ABLIM2: variants seen among roughly 807,000 people sequenced by gnomAD.
ABLIM2 encodes actin-binding LIM protein 2.
Under a neutral mutation model 97.7 loss-of-function variants are expected in ABLIM2, and 53 were observed. The ratio of observed to expected loss-of-function variants is 0.54; its 90% CI spans 0.44 to 0.68. The LOEUF is 0.68. ABLIM2 is among the 30% of genes least tolerant of loss of function. The pLI is 0.00. For synonymous variants in ABLIM2, 361 were observed against 345.8 expected (o/e 1.04, Z -0.49); for missense variants, 835 against 867.2 (o/e 0.96, Z 0.47).
intron 2 of ABLIM2, among the ~76,000 whole-genome samples, chr4:8,103,829 G>A (rs1217720328): frequency 6.6e-6 from 1 of 152,232 alleles, no homozygotes; most frequent in Non-Finnish European, 1.5e-5. Flanking sequence ...ACTCGGGTCT[G>A]ATGCATTTTG....
rs1387996137 is a variant in ABLIM2, at chr4:8,043,088, G to T, written c.900+2076C>A. Among the ~76,000 whole-genome samples the T allele has an allele frequency of 2.0e-5, 3 of 152,056 alleles. No individual in the cohort carries two copies. Among genetic ancestry groups the T allele is most frequent in the African/African-American group, 4.8e-5 (2 of 41,386 alleles). ...ATCGCCTGAGCCCGGGGAGGTTGAG[G>T]CTGCCATGAGCCATGATCTCACCAC... On this transcript the variant is annotated intron_variant, in intron 9 of 20. Coordinates refer to ENST00000447017, the MANE Select transcript of ABLIM2 (RefSeq NM_001130083.2). The surrounding 1 kb of genome is among the most constrained non-coding windows in gnomAD (Gnocchi z 4.8).
intron 3 of ABLIM2, among the ~76,000 whole-genome samples, chr4:8,091,600 A>T (rs866711534): frequency 0.28 from 12,196 of 42,942 alleles, 3,329 homozygotes; most frequent in African/African-American, 0.58. Context: ...ATATATAATT[A>T]TATATATTAT....
chr4:8,128,537 G>T lies in ABLIM2; in HGVS notation c.11-21900C>A, dbSNP rs1444778601. ...CAACCAGGGGACCTGCTGGTTACCA[G>T]ATGTACTCCCAGGCTCTAAAACACG... On this transcript the variant is annotated intron_variant, in intron 1 of 20. Transcript: ENST00000447017. This position sits in a 1 kb window ranked among gnomAD's most constrained non-coding sequence, Gnocchi z 4.9. Among the ~76,000 whole-genome samples the T allele has an allele frequency of 3.3e-5, 5 of 152,210 alleles. No homozygotes were observed. The highest frequency in any genetic ancestry group is 4.1e-4 in the South Asian group (2 of 4,824).
At position 8,020,183 on chromosome 4, in the gene ABLIM2, A is replaced by G; in HGVS notation, c.1369+19T>C. 1 of 1,607,376 alleles carries G rather than the reference A, an allele frequency of 6.2e-7. No individual in the cohort carries two copies. On this transcript the variant is annotated intron_variant, in intron 13 of 20. Coordinates refer to ENST00000447017, the MANE Select transcript of ABLIM2 (RefSeq NM_001130083.2). ...CAGTTTCAGTGTAAGGAGCCCAGCCAGCGTGTCCCGGAGCCTACCTGGGAC... is the reference window on the plus strand; with the variant it reads ...CAGTTTCAGTGTAAGGAGCCCAGCCGGCGTGTCCCGGAGCCTACCTGGGAC...
At position 7,999,212 on chromosome 4, in the gene ABLIM2, A is replaced by G. The variant is rs987364441; in HGVS notation, c.1619-6285T>C. 1.3e-5 allele frequency among the ~76,000 whole-genome samples: 2 copies of G among 152,164 alleles called. No individual in the cohort carries two copies. The highest frequency in any genetic ancestry group is 2.9e-5 in the Non-Finnish European group (2 of 68,032). On this transcript the variant is annotated intron_variant, in intron 16 of 20. Coordinates refer to ENST00000447017, the MANE Select transcript of ABLIM2 (RefSeq NM_001130083.2). The surrounding 1 kb of genome is among the most constrained non-coding windows in gnomAD (Gnocchi z 4.4). Reference sequence around the variant, plus strand: ...GTAGCTGGGATTACAGGCATGTACCACTGCGCCCAGCTAATTTTGTATTTT... The same window carrying G: ...GTAGCTGGGATTACAGGCATGTACCGCTGCGCCCAGCTAATTTTGTATTTT...
In ABLIM2 at chr4:8,075,125, G is replaced by A. The variant is rs1577224366; in HGVS notation, c.675+2503C>T. On this transcript the variant is annotated intron_variant, in intron 6 of 20. Transcript: ENST00000447017. The surrounding 1 kb of genome is among the most constrained non-coding windows in gnomAD (Gnocchi z 4.4). The stretch of plus-strand genomic sequence containing the variant: ...AGAGTCATGATGAAATATGATGCGA[G>A]AGTAAAGCTTATGTCCGAACGAACC... Among the ~76,000 whole-genome samples, 2 of 152,192 alleles carry A rather than the reference G, an allele frequency of 1.3e-5. No individual in the cohort carries two copies. Among genetic ancestry groups the A allele is most frequent in the South Asian group, 4.1e-4 (2 of 4,828 alleles).
chr4:7,980,244 C>G (rs1736924056), intron 20 of ABLIM2, among the ~76,000 whole-genome samples: 1 of 152,154 alleles, frequency 6.6e-6, no homozygotes, highest in Admixed American at 6.5e-5. Flanking sequence ...CTACCCTCCT[C>G]CCTTCGGAAT....
At chr4:8,034,101 C>T (rs183093597) in intron 10 of ABLIM2, among the ~76,000 whole-genome samples, 58 of 152,320 alleles carry the variant, frequency 3.8e-4, no homozygotes, top group African/African-American at 1.3e-3. Context: ...ATCCTGTGGT[C>T]TTTGCGGGGA....
intron 1 of ABLIM2, among the ~76,000 whole-genome samples, chr4:8,141,683 T>A (rs1417462349): frequency 6.6e-6 from 1 of 152,222 alleles, no homozygotes; most frequent in Admixed American, 6.5e-5. Flanking sequence ...GTTCTGCTCC[T>A]AGTATCAGCC....
At position 8,088,355 on chromosome 4, in the gene ABLIM2, G is replaced by A. The variant is rs1825207761; in HGVS notation, c.339-71C>T. The A allele has an allele frequency of 5.5e-6, 7 of 1,263,456 alleles. No homozygotes were observed. In the Admixed American group the frequency reaches 1.4e-4, roughly 25 times the overall value. 78.3% of individuals were successfully genotyped at this position (1,263,456 alleles called of 1,614,324 possible). A position where few individuals can be genotyped will look rare whatever the true frequency, so the allele number is the denominator to read the frequency against. On this transcript the variant is annotated intron_variant, in intron 3 of 20. Transcript: ENST00000447017. ...CTCTCTGGGGGAGCCCTGTCCCAGT[G>A]CAGGAGACCAGGGCCAATGTCTCCC... is the stretch of plus-strand genomic sequence containing the variant.
In ABLIM2 at chr4:7,966,887, C is replaced by G. The variant is rs567421367; in HGVS notation, c.*103G>C. 4 of 376,562 alleles carry G rather than the reference C, an allele frequency of 1.1e-5. No individual in the cohort carries two copies. The highest frequency in any genetic ancestry group is 2.2e-5 in the African/African-American group (1 of 45,558). The allele number at this position is 376,562 out of a possible 1,614,324, so 23.3% of individuals were successfully genotyped here. A position where few individuals can be genotyped will look rare whatever the true frequency, so the allele number is the denominator to read the frequency against. On this transcript the variant is annotated 3_prime_UTR_variant, in exon 21 of 21. Transcript: ENST00000447017. ...CCCCCTCCCGCCCACCCCATGGACA[C>G]AGAGAAGCCAGAGCAAGGTGTGTGG...
chr4:8,040,199 T>G (rs1787437865), intron 9 of ABLIM2, among the ~76,000 whole-genome samples: 1 of 152,114 alleles, frequency 6.6e-6, no homozygotes, highest in Non-Finnish European at 1.5e-5. Context: ...AGCTGCAACC[T>G]GCAAAGCACC....
intron 9 of ABLIM2, among the ~76,000 whole-genome samples, chr4:8,038,776 G>T (rs1786194889): frequency 6.6e-6 from 1 of 152,204 alleles, no homozygotes; most frequent in African/African-American, 2.4e-5. Context: ...CCAGCCATTT[G>T]TAATCATGAG....
Position 7,986,258 on chromosome 4 carries a change from A to C in ABLIM2, c.1681-1365T>G, listed in dbSNP as rs59845107. On this transcript the variant is annotated intron_variant, in intron 17 of 20. Coordinates refer to ENST00000447017, the MANE Select transcript of ABLIM2 (RefSeq NM_001130083.2). The surrounding 1 kb of genome is among the most constrained non-coding windows in gnomAD (Gnocchi z 4.3). ...TTTTCAACGCGAGCTTTGCAGTAGG[A>C]AATCAGTGAGGAGCTGGTTACAGCC... Among the ~76,000 whole-genome samples, 7,890 of 152,194 alleles carry C rather than the reference A, an allele frequency of 0.052. 444 individuals carry two copies. Among genetic ancestry groups the C allele is most frequent in the African/African-American group, 0.14 (5,791 of 41,510 alleles).
chr4:7,994,032 G>C (rs1342612730), intron 16 of ABLIM2: 1 of 464,010 alleles, frequency 2.2e-6, no homozygotes, highest in Non-Finnish European at 4.3e-6. Context: ...GGAAGGGGCA[G>C]AGCCTGGACC....
intron 3 of ABLIM2, among the ~76,000 whole-genome samples, chr4:8,092,778 C>G (rs531619129): frequency 1.3e-5 from 2 of 152,294 alleles, no homozygotes; most frequent in East Asian, 1.9e-4. Context: ...GCTAAATAAA[C>G]CTCTGTTGAT....
intron 16 of ABLIM2, chr4:8,007,599 C>G (rs1248341985): frequency 1.0e-6 from 1 of 989,334 alleles, no homozygotes; most frequent in Non-Finnish European, 1.2e-6. Context: ...ATCACTGTCT[C>G]TCTATGAAGC....
rs780756394 is a variant in ABLIM2 at position 8,008,110 on chromosome 4, C to T, written c.1567G>A (p.Gly523Arg). 8.7e-6 allele frequency: 14 copies of T among 1,613,914 alleles called. No individual in the cohort carries two copies. Among genetic ancestry groups the T allele is most frequent in the African/African-American group, 4.0e-5 (3 of 74,926 alleles). Residue 523 changes from glycine to arginine, a missense_variant, in exon 16 of 21, where the codon GGG becomes AGG. Gly to Arg is a moderately radical substitution (Grantham distance 125). Transcript: ENST00000447017. ...CTTTGGAGAGGGTCTCTGTCGGTCC[C>T]GCTGCTGTGGGACAAGGACTGGGTG... ...LDTQSLSHSS[G>R]TDRDPLQRMA...
intron 8 of ABLIM2, among the ~76,000 whole-genome samples, chr4:8,049,378 T>A (rs1794601127): frequency 6.6e-6 from 1 of 152,212 alleles, no homozygotes. Flanking sequence ...CAGGGACGTC[T>A]GACATGCTGT....
Sources: allele counts gnomAD v4.1 joint callset (sites outside exome capture counted in the v4.1 genomes callset), GRCh38; gene constraint gnomAD v4.1.1; non-coding constraint Gnocchi (gnomAD v3.1); transcripts MANE v1.5; gene names NCBI Gene and HGNC (gene_info 2026-07-23, HGNC 2026-07-21).